The following ULK1 variants were observed in gnomAD, a reference collection of about 807,000 sequenced individuals.
ULK1 encodes the protein serine/threonine-protein kinase ULK1.
Under a neutral mutation model 117.5 loss-of-function variants are expected in ULK1, and 48 were observed. The ratio of observed to expected loss-of-function variants is 0.41; its 90% CI spans 0.32 to 0.52. The LOEUF is 0.52. Among genes scored for constraint, ULK1 ranks in the 20% least tolerant of loss-of-function variants. The pLI, the probability that ULK1 is intolerant of heterozygous loss-of-function variation, is 0.29. For synonymous variants in ULK1, 790 were observed against 637.8 expected (o/e 1.24, Z -3.60); for missense variants, 1,387 against 1,473.4 (o/e 0.94, Z 0.96).
intron 17 of ULK1, 50 bp from the exon 18 acceptor site, chr12:131,915,285 A>G (rs1413829977): frequency 6.2e-7 from 1 of 1,609,658 alleles, no homozygotes; most frequent in Non-Finnish European, 8.5e-7. Context: ...GTGGGTGAGG[A>G]GGCTGTCTCT....
chr12:131,903,651 C>T lies in ULK1; in HGVS notation c.247-3241C>T, dbSNP rs1168365209. On this transcript the variant is annotated intron_variant, in intron 3 of 27. Transcript: ENST00000321867. The surrounding 1 kb of genome is among the most constrained non-coding windows in gnomAD (Gnocchi z 6.0). The stretch of plus-strand genomic sequence containing the variant: ...GAATGCCTGTGGTGAGGTGGATGCC[C>T]CCACCCTACCCTGCAGCCCCACCCC... Among the ~76,000 whole-genome samples, 1 of 152,122 alleles carries T rather than the reference C, an allele frequency of 6.6e-6. No homozygotes were observed. The highest frequency in any genetic ancestry group is 1.5e-5 in the Non-Finnish European group (1 of 68,006).
Position 131,919,591 on chromosome 12 carries a change from G to C in ULK1, c.2803+1G>C. 1 of 1,611,312 alleles carries C rather than the reference G, an allele frequency of 6.2e-7. No homozygotes were observed. The highest frequency in any genetic ancestry group is 8.5e-7 in the Non-Finnish European group (1 of 1,179,496). On this transcript the variant is annotated splice_donor_variant, in intron 25 of 27. Coordinates refer to ENST00000321867, the MANE Select transcript of ULK1 (RefSeq NM_003565.4). LOFTEE classifies it high-confidence loss of function. ...TGCCTGTCGTCCACTGTGAAGCAGG[G>C]TGAGGGCTGCGACCGCTCAGCCCAC... is the stretch of plus-strand genomic sequence containing the variant.
chr12:131,914,463 GT>G lies in ULK1; in HGVS notation c.1361del (p.Phe454SerfsTer193). The G allele has an allele frequency of 6.2e-7, 1 of 1,612,600 alleles. No homozygotes were observed. Among genetic ancestry groups the G allele is most frequent in the South Asian group, 1.1e-5 (1 of 91,076 alleles). On this transcript the variant is annotated frameshift_variant, in exon 16 of 28. Coordinates refer to ENST00000321867, the MANE Select transcript of ULK1 (RefSeq NM_003565.4). LOFTEE classifies it high-confidence loss of function. ...IERNLQSPTQ[F>X]QTPRSSAIRR... ...AGCGAAACCTGCAGTCACCCACCCA[GT>G]TCCAAACACCTCGGTGAGTGTGGAG... is the stretch of plus-strand genomic sequence containing the variant.
At chr12:131,908,495 C>A in intron 5 of ULK1, 149 bp from the exon 6 acceptor site, 1 of 970,576 alleles carries the variant, frequency 1.0e-6, no homozygotes, top group Non-Finnish European at 1.4e-6. Flanking sequence ...CCCGTGGTGG[C>A]TTGTGCCCCT....
rs374576868 is a variant in ULK1, at chr12:131,921,333, C to T, written c.3125C>T (p.Ser1042Leu). The change falls in exon 28 of 28, where the codon TCG becomes TTG. Residue 1042 changes from serine (S) to leucine (L), a missense_variant. Transcript: ENST00000321867. ...KCKLCIERRL[S>L]ALLTGICA ...AAGCTGTGCATTGAGCGGAGACTCTCGGCGCTGCTGACTGGCATCTGTGCC... is the reference window on the plus strand; with the variant it reads ...AAGCTGTGCATTGAGCGGAGACTCTTGGCGCTGCTGACTGGCATCTGTGCC... The T allele has an allele frequency of 3.0e-5, 48 of 1,605,904 alleles. No homozygotes were observed. Among genetic ancestry groups the T allele is most frequent in the African/African-American group, 6.7e-5 (5 of 74,928 alleles).
chr12:131,917,295 A>ATGGGG lies in ULK1; in HGVS notation c.2183-116_2183-115insTGGGG. On this transcript the variant is annotated intron_variant, in intron 21 of 27. Coordinates refer to ENST00000321867, the MANE Select transcript of ULK1 (RefSeq NM_003565.4). ...TCGGGTTCGGCTCGGAGGCTGTGGGACGGGGGTTGGGGGGAGCTCGGAGGC... is the reference window on the plus strand; with the variant it reads ...TCGGGTTCGGCTCGGAGGCTGTGGGATGGGGCGGGGGTTGGGGGGAGCTCGGAGGC... 2 of 156,956 alleles carry ATGGGG rather than the reference A, an allele frequency of 1.3e-5. 1 individual carries two copies. The highest frequency in any genetic ancestry group is 1.9e-5 in the Non-Finnish European group (2 of 104,032). 9.7% of individuals were successfully genotyped at this position (156,956 alleles called of 1,614,324 possible). A position where few individuals can be genotyped will look rare whatever the true frequency, so the allele number is the denominator to read the frequency against.
At position 131,911,017 on chromosome 12, in the gene ULK1, G is replaced by A. The variant is rs961313595; in HGVS notation, c.948+217G>A. On this transcript the variant is annotated intron_variant, in intron 12 of 27. Transcript: ENST00000321867. ...CTCAGGTCCCAGAGGCCGATAGGGC[G>A]GCTGTTTGGTCTGGTCCTGTCTTTG... Among the ~76,000 whole-genome samples the A allele has an allele frequency of 5.9e-5, 9 of 152,282 alleles. No individual in the cohort carries two copies. The East Asian group carries it at 1.5e-3, about 26-fold the overall frequency.
In ULK1 at chr12:131,917,480, C is replaced by T. The variant is rs753689487; in HGVS notation, c.2252C>T (p.Pro751Leu). 25 of 1,508,004 alleles carry T rather than the reference C, an allele frequency of 1.7e-5. No individual in the cohort carries two copies. The highest frequency in any genetic ancestry group is 7.5e-5 in the East Asian group (3 of 39,870). 93.4% of individuals were successfully genotyped at this position (1,508,004 alleles called of 1,614,324 possible). The change falls in exon 22 of 28, where the codon CCG becomes CTG. Residue 751 changes from proline (P) to leucine (L), a missense_variant. Physicochemically the swap from Pro to Leu is moderately conservative, Grantham distance 98. Coordinates refer to ENST00000321867, the MANE Select transcript of ULK1 (RefSeq NM_003565.4). ...GCTGGGGGCACCAGCAGCCCTTCCCCGGTGGTCTTCACCGTGGGCTCTCCC... is the reference window on the plus strand; with the variant it reads ...GCTGGGGGCACCAGCAGCCCTTCCCTGGTGGTCTTCACCGTGGGCTCTCCC... ...ARAGGTSSPS[P>L]VVFTVGSPPS...
rs763172649 is a variant in ULK1, at chr12:131,919,524, G to C, written c.2737G>C (p.Gly913Arg). 3 of 1,612,196 alleles carry C rather than the reference G, an allele frequency of 1.9e-6. No homozygotes were observed. Among genetic ancestry groups the C allele is most frequent in the Non-Finnish European group, 1.7e-6 (2 of 1,179,622 alleles). ...GAAGGTGGCCGAGCTACTGTCCTCC[G>C]GCCTGCAAAGTGCCATCGACCAGAT... is the stretch of plus-strand genomic sequence containing the variant. ...YLKVAELLSS[G>R]LQSAIDQIRA... is the part of the protein sequence containing the mutation. The change falls in exon 25 of 28, where the codon GGC becomes CGC. Residue 913 changes from glycine (G) to arginine (R), a missense_variant. Around this residue, in one of 4 missense-constraint regions of ULK1, gnomAD observed 900 missense variants for 858.9 expected, o/e 1.05. Coordinates refer to ENST00000321867, the MANE Select transcript of ULK1 (RefSeq NM_003565.4).
At chr12:131,907,872 G>T (rs1042207708) in intron 5 of ULK1, among the ~76,000 whole-genome samples, 3 of 152,062 alleles carry the variant, frequency 2.0e-5, no homozygotes, top group Admixed American at 2.0e-4. Flanking sequence ...TGAGCCCTGT[G>T]GCGGATGGGA....
intron 3 of ULK1, among the ~76,000 whole-genome samples, chr12:131,896,109 C>T (rs372148816): frequency 2.6e-5 from 4 of 152,192 alleles, no homozygotes; most frequent in Non-Finnish European, 5.9e-5. Flanking sequence ...CCTAGGGGCC[C>T]TGCCTGAGTC....
intron 12 of ULK1, among the ~76,000 whole-genome samples, chr12:131,911,721 G>T (rs959511440): frequency 6.6e-6 from 1 of 151,746 alleles, no homozygotes; most frequent in Admixed American, 6.6e-5. Flanking sequence ...AGAGTGGCTC[G>T]TCGGGGGGCC....
chr12:131,909,771 G>A lies in ULK1; in HGVS notation c.667-4G>A. ...TGGCAGTCAGGCTGTCCCCGTCCCC[G>A]CAGGCCAGCAGCCCCCAGGACCTGC... On this transcript the variant is annotated splice_polypyrimidine_tract_variant and splice_region_variant and intron_variant, in intron 8 of 27. Coordinates refer to ENST00000321867, the MANE Select transcript of ULK1 (RefSeq NM_003565.4). 4 of 1,603,026 alleles carry A rather than the reference G, an allele frequency of 2.5e-6. No homozygotes were observed. The highest frequency in any genetic ancestry group is 3.4e-6 in the Non-Finnish European group (4 of 1,175,286).
At chr12:131,901,042 T>C (rs1198188646) in intron 3 of ULK1, among the ~76,000 whole-genome samples, 3 of 150,908 alleles carry the variant, frequency 2.0e-5, no homozygotes, top group Non-Finnish European at 4.4e-5. Flanking sequence ...TGTATATCTT[T>C]TTTTTTTTTT....
At chr12:131,921,281 C>T (rs952966370) in intron 27 of ULK1, 25 bp from the exon 28 acceptor site, 2 of 1,608,110 alleles carry the variant, frequency 1.2e-6, no homozygotes, top group Admixed American at 1.7e-5. Flanking sequence ...GGGCGTCTCC[C>T]TCACACTCCC....
chr12:131,904,779 C>T (rs1214540000), intron 3 of ULK1, among the ~76,000 whole-genome samples: 1 of 152,116 alleles, frequency 6.6e-6, no homozygotes, highest in Admixed American at 6.5e-5. Flanking sequence ...ATGTGGGCAC[C>T]TATGGGCACT....
In ULK1 at chr12:131,910,877, G is replaced by A. The variant is rs1889505085; in HGVS notation, c.948+77G>A. 7.6e-6 allele frequency: 12 copies of A among 1,583,354 alleles called. No homozygotes were observed. The South Asian group carries it at 1.2e-4, about 16-fold the overall frequency. ...GGGGCTCCAGCCCTGGGCCCCCGCG[G>A]GGACGTGCTGTGACTTCTGTTGTCT... On this transcript the variant is annotated intron_variant, in intron 12 of 27. Transcript: ENST00000321867.
chr12:131,921,587 G>GA lies in ULK1; in HGVS notation c.*226_*227insA. ...GGTGTCTCCCATCTTTTACAGGTGG[G>GA]GATCACAGAATTTCTGCCCCTCCAG... On this transcript the variant is annotated 3_prime_UTR_variant, in exon 28 of 28. Coordinates refer to ENST00000321867, the MANE Select transcript of ULK1 (RefSeq NM_003565.4). 1 of 673,740 alleles carries GA rather than the reference G, an allele frequency of 1.5e-6. No individual in the cohort carries two copies. Among genetic ancestry groups the GA allele is most frequent in the Non-Finnish European group, 2.5e-6 (1 of 398,830 alleles). The allele number at this position is 673,740 out of a possible 1,614,324, so 41.7% of individuals were successfully genotyped here. A position where few individuals can be genotyped will look rare whatever the true frequency, so the allele number is the denominator to read the frequency against.
Position 131,903,987 on chromosome 12 carries a change from T to C in ULK1, c.247-2905T>C, listed in dbSNP as rs1889180682. 6.6e-6 allele frequency among the ~76,000 whole-genome samples: 1 copy of C among 151,978 alleles called. No homozygotes were observed. Among genetic ancestry groups the C allele is most frequent in the Non-Finnish European group, 1.5e-5 (1 of 67,946 alleles). ...GTAGCGAGGTGGGTTCCAGCACCCA[T>C]GAGGCCAGTGTGGCTGGAGGGATGG... On this transcript the variant is annotated intron_variant, in intron 3 of 27. Transcript: ENST00000321867. This position sits in a 1 kb window ranked among gnomAD's most constrained non-coding sequence, Gnocchi z 6.0.
Sources: gnomAD v4.1 joint callset for allele counts (sites outside exome capture counted in the v4.1 genomes callset) on GRCh38, gnomAD v4.1.1 for gene constraint, gnomAD v4.1.1 regional missense constraint, Gnocchi (gnomAD v3.1) non-coding constraint, MANE v1.5 for transcripts, NCBI Gene and HGNC (gene_info 2026-07-23, HGNC 2026-07-21) for gene names.